ZEB1: variants seen among roughly 807,000 people sequenced by gnomAD.
ZEB1 encodes the protein zinc finger E-box binding homeobox 1, also known as zinc finger E-box-binding homeobox 1.
A neutral mutation model predicts 84.9 loss-of-function variants in ZEB1; 21 were observed. The observed-to-expected ratio is 0.25, with a 90% CI of 0.18 to 0.36. The LOEUF is 0.36. ZEB1 is among the 10% of genes least tolerant of loss of function. The probability of loss-of-function intolerance (pLI) is 1.00; values close to 1 mark genes in which losing one functional copy is unlikely to be tolerated. For missense variants in ZEB1, 1,104 were observed against 1,330.2 expected, an observed-to-expected ratio of 0.83 and a Z score of 2.65; for synonymous variants, 420 against 471.1, an observed-to-expected ratio of 0.89 and a Z score of 1.41.
intron 2 of ZEB1, among the ~76,000 whole-genome samples, chr10:31,465,526 A>C (rs2062312868): frequency 6.6e-6 from 1 of 151,946 alleles, no homozygotes; most frequent in East Asian, 1.9e-4. Context: ...AACTTTTCAG[A>C]AAACAATAAA....
chr10:31,331,077 C>CTTTTTTTTTTTTTTTTTTTTTTTTTT (rs1238584690), intron 1 of ZEB1, among the ~76,000 whole-genome samples: 1 of 89,064 alleles, frequency 1.1e-5, no homozygotes, highest in African/African-American at 5.4e-5. Context: ...TTTTTTCTTT[C>CTTTTTTTTTTTTTTTTTTTTTTTTTT]TTTCTTTTTT....
intron 1 of ZEB1, among the ~76,000 whole-genome samples, chr10:31,337,747 G>A (rs539050225): frequency 9.9e-5 from 14 of 141,700 alleles, no homozygotes; most frequent in East Asian, 8.2e-4. Context: ...GTGCAATGGC[G>A]CAATCTCGGC....
intron 1 of ZEB1, chr10:31,362,844 C>A (rs986400843): frequency 2.7e-6 from 3 of 1,095,368 alleles, no homozygotes; most frequent in East Asian, 2.6e-5. Flanking sequence ...TCTTCTTTCT[C>A]CTCCTAAGCA....
In ZEB1 at chr10:31,524,055, G is replaced by C; in HGVS notation, c.2727G>C (p.Leu909Phe). 1 of 1,613,904 alleles carries C rather than the reference G, an allele frequency of 6.2e-7. No individual in the cohort carries two copies. Among genetic ancestry groups the C allele is most frequent in the South Asian group, 1.1e-5 (1 of 91,076 alleles). Residue 909 changes from leucine to phenylalanine, a missense_variant, in exon 8 of 9, where the codon TTG (leucine) becomes TTC (phenylalanine). Leu to Phe is a conservative substitution (Grantham distance 22). This residue lies in a region of ZEB1 where 531 missense variants were observed against 575.2 expected (regional missense o/e 0.92). Coordinates refer to ENST00000424869, the MANE Select transcript of ZEB1 (RefSeq NM_001174096.2). ...AAAATGGAATGTATGCTTGTGATTTGTGTGACAAGATATTCCAAAAGAGTA... is the reference window on the plus strand; with the variant it reads ...AAAATGGAATGTATGCTTGTGATTTCTGTGACAAGATATTCCAAAAGAGTA... ...KTENGMYACDLCDKIFQKSSS... is the reference protein window; with the variant it reads ...KTENGMYACDFCDKIFQKSSS...
At chr10:31,507,064 T>G (rs1405057240) in intron 4 of ZEB1, among the ~76,000 whole-genome samples, 1 of 152,168 alleles carries the variant, frequency 6.6e-6, no homozygotes, top group Non-Finnish European at 1.5e-5. Flanking sequence ...GGAAAGACTT[T>G]ATTTCTCTTT....
intron 1 of ZEB1, among the ~76,000 whole-genome samples, chr10:31,410,884 A>T (rs2054112200): frequency 6.6e-6 from 1 of 151,488 alleles, no homozygotes; most frequent in Non-Finnish European, 1.5e-5. Flanking sequence ...TGTCTGTTTG[A>T]TTCTTCTCTA....
intron 2 of ZEB1, among the ~76,000 whole-genome samples, chr10:31,478,110 C>T (rs2064504444): frequency 6.6e-6 from 1 of 151,858 alleles, no homozygotes; most frequent in African/African-American, 2.4e-5. Flanking sequence ...AGTCATACCT[C>T]CGACAAAGAA....
At chr10:31,444,853 C>T (rs2059551033) in intron 1 of ZEB1, among the ~76,000 whole-genome samples, 1 of 151,768 alleles carries the variant, frequency 6.6e-6, no homozygotes, top group Non-Finnish European at 1.5e-5. Context: ...AGTGTGATGC[C>T]TCCAGCTTTG....
intron 6 of ZEB1, among the ~76,000 whole-genome samples, chr10:31,516,446 T>TGCCATACA (rs1312159662): frequency 6.8e-6 from 1 of 147,530 alleles, no homozygotes; most frequent in Admixed American, 7.0e-5. Flanking sequence ...TGCTGTGAAA[T>TGCCATACA]GCCATACATA....
At chr10:31,366,470 C>T (rs2044516078) in intron 1 of ZEB1, among the ~76,000 whole-genome samples, 1 of 152,068 alleles carries the variant, frequency 6.6e-6, no homozygotes, top group East Asian at 1.9e-4. Context: ...TTAAATAATC[C>T]TTTAGATTCC....
chr10:31,336,126 A>G (rs1046750774), intron 1 of ZEB1, among the ~76,000 whole-genome samples: 1 of 152,190 alleles, frequency 6.6e-6, no homozygotes, highest in Non-Finnish European at 1.5e-5. Flanking sequence ...TAATGGTGCC[A>G]TTTCTCCCCA....
At chr10:31,514,743 C>G (rs1390006110) in intron 6 of ZEB1, 35 bp downstream of exon 6, 1 of 1,456,754 alleles carries the variant, frequency 6.9e-7, no homozygotes, top group Admixed American at 1.7e-5. Context: ...CCCTGAATAT[C>G]ATAGCATATG....
intron 1 of ZEB1, among the ~76,000 whole-genome samples, chr10:31,369,984 A>G (rs919611155): frequency 2.0e-5 from 3 of 152,104 alleles, no homozygotes; most frequent in Non-Finnish European, 2.9e-5. Context: ...TTCTTGTACT[A>G]GTTGGCCATT....
intron 1 of ZEB1, among the ~76,000 whole-genome samples, chr10:31,452,798 T>C (rs2060769575): frequency 6.9e-6 from 1 of 144,414 alleles, no homozygotes; most frequent in Admixed American, 6.7e-5. Context: ...TCCCAATTGA[T>C]GTTAAAGAAT....
Position 31,432,491 on chromosome 10 carries a change from A to C in ZEB1, c.59-28546A>C, listed in dbSNP as rs139233949. ...GTGGTCCCAGCTACTCAGGAGGCTG[A>C]GGAAGGAGGATGTCTTGAGCCTGGA... On this transcript the variant is annotated intron_variant, in intron 1 of 8. Transcript: ENST00000424869. Among the ~76,000 whole-genome samples, 27 of 152,264 alleles carry C rather than the reference A, an allele frequency of 1.8e-4. No individual in the cohort carries two copies. In the East Asian group the frequency reaches 2.9e-3, roughly 16 times the overall value.
At chr10:31,440,478 T>C (rs1247493416) in intron 1 of ZEB1, among the ~76,000 whole-genome samples, 1 of 152,100 alleles carries the variant, frequency 6.6e-6, no homozygotes, top group Non-Finnish European at 1.5e-5. Flanking sequence ...TTGGGAGCAT[T>C]CCCTTTGAAA....
chr10:31,386,392 A>G (rs1333146950), intron 1 of ZEB1, among the ~76,000 whole-genome samples: 1 of 151,856 alleles, frequency 6.6e-6, no homozygotes, highest in African/African-American at 2.4e-5. Context: ...TATTTTATAT[A>G]ACATATTTTC....
At chr10:31,398,566 C>T (rs1206125489) in intron 1 of ZEB1, among the ~76,000 whole-genome samples, 1 of 152,094 alleles carries the variant, frequency 6.6e-6, no homozygotes, top group Non-Finnish European at 1.5e-5. Flanking sequence ...CCTTTAGTTA[C>T]TACCCCATGT....
At position 31,321,650 on chromosome 10, in the gene ZEB1, C is replaced by T. The variant is rs543945058; in HGVS notation, c.58+2358C>T. 8.4e-6 allele frequency: 12 copies of T among 1,436,652 alleles called. No individual in the cohort carries two copies. The East Asian group carries it at 9.1e-5, about 11-fold the overall frequency. 89.0% of individuals were successfully genotyped at this position (1,436,652 alleles called of 1,614,324 possible). ...GTGTGACATGTGAGTCTGAACCACC[C>T]AGCGTCTGTGCAGCTGCTGTAAACA... On this transcript the variant is annotated intron_variant, in intron 1 of 8. Transcript: ENST00000424869.
Sources: gnomAD v4.1 joint callset for allele counts (sites outside exome capture counted in the v4.1 genomes callset) on GRCh38, gnomAD v4.1.1 for gene constraint, gnomAD v4.1.1 regional missense constraint, MANE v1.5 for transcripts, NCBI Gene and HGNC (gene_info 2026-07-23, HGNC 2026-07-21) for gene names.